PTGIS: variants seen among roughly 807,000 people sequenced by gnomAD.
PTGIS encodes the protein prostacyclin synthase.
In PTGIS, 45 loss-of-function variants were observed where a neutral mutation model predicts 50.3. That is an observed-to-expected ratio of 0.90 (90% CI 0.70 to 1.15). PTGIS has a LOEUF of 1.15. Among genes scored for constraint, PTGIS ranks in the 50% most tolerant of loss-of-function variants. The pLI, the probability that PTGIS is intolerant of heterozygous loss-of-function variation, is 0.00. For missense variants in PTGIS, 668 were observed against 661.3 expected (o/e 1.01, Z -0.11); for synonymous variants, 260 against 267.7 (o/e 0.97, Z 0.28).
chr20:49,555,213 C>T (rs901666449), intron 1 of PTGIS, among the ~76,000 whole-genome samples: 3 of 151,784 alleles, frequency 2.0e-5, no homozygotes, highest in African/African-American at 7.3e-5. Flanking sequence ...GTGGAGGTTG[C>T]AGTGAGCCAA....
chr20:49,567,902 A>T, intron 1 of PTGIS, 141 bp downstream of exon 1: 1 of 750,276 alleles, frequency 1.3e-6, no homozygotes, highest in South Asian at 3.7e-5. Context: ...CGGGACTCCC[A>T]CCTCCGAGGG....
chr20:49,513,331 C>G lies in PTGIS; in HGVS notation c.1025-70G>C, dbSNP rs1981378641. On this transcript the variant is annotated intron_variant, in intron 7 of 9. Coordinates refer to ENST00000244043, the MANE Select transcript of PTGIS (RefSeq NM_000961.4). ...ACCTGCTCATATGCCAACCCCAGCT[C>G]TTATTTTACAGAGGAAGATGAAGAG... The G allele has an allele frequency of 3.3e-6, 5 of 1,526,062 alleles. No individual in the cohort carries two copies. The Admixed American group carries it at 9.6e-5, about 29-fold the overall frequency. 94.5% of individuals were successfully genotyped at this position (1,526,062 alleles called of 1,614,324 possible).
rs370175681 is a variant in PTGIS, at chr20:49,530,079, G to C, written c.674-5840C>G. Among the ~76,000 whole-genome samples, 12 of 151,610 alleles carry C rather than the reference G, an allele frequency of 7.9e-5. No individual in the cohort carries two copies. In the East Asian group the frequency reaches 2.3e-3, roughly 29 times the overall value. On this transcript the variant is annotated intron_variant, in intron 5 of 9. Coordinates refer to ENST00000244043, the MANE Select transcript of PTGIS (RefSeq NM_000961.4). ...TGAGGCAGGAGAATCGCTTGAATCTGGGGGGCGGAGGTTGTGGTGAGCCAA... is the reference window on the plus strand; with the variant it reads ...TGAGGCAGGAGAATCGCTTGAATCTCGGGGGCGGAGGTTGTGGTGAGCCAA...
chr20:49,516,579 C>G (rs1981484050), intron 6 of PTGIS, among the ~76,000 whole-genome samples: 1 of 152,180 alleles, frequency 6.6e-6, no homozygotes, highest in African/African-American at 2.4e-5. Context: ...ATTAAAACAG[C>G]TGCATGATCT....
At chr20:49,560,976 AAGG>A (rs1982757862) in intron 1 of PTGIS, among the ~76,000 whole-genome samples, 2 of 152,200 alleles carry the variant, frequency 1.3e-5, no homozygotes, top group South Asian at 4.2e-4. Flanking sequence ...AAGAGGAAGG[AAGG>A]AGATGTGTCA....
chr20:49,565,234 C>T (rs1982868409), intron 1 of PTGIS, among the ~76,000 whole-genome samples: 1 of 152,010 alleles, frequency 6.6e-6, no homozygotes, highest in African/African-American at 2.4e-5. Context: ...GCCCTCCCGG[C>T]CATTGTCCTT....
At chr20:49,512,606 ACTT>A (rs1981354773) in intron 8 of PTGIS, among the ~76,000 whole-genome samples, 2 of 152,236 alleles carry the variant, frequency 1.3e-5, no homozygotes, top group Non-Finnish European at 2.9e-5. Flanking sequence ...GTGAAAGTTT[ACTT>A]CTTCTCAAAG....
intron 6 of PTGIS, among the ~76,000 whole-genome samples, chr20:49,517,636 T>C (rs962782669): frequency 1.3e-5 from 2 of 152,204 alleles, no homozygotes; most frequent in South Asian, 2.1e-4. Context: ...GCCACCCCTG[T>C]TCTAGCTTTC....
In PTGIS at chr20:49,508,868, C is replaced by T. The variant is rs530826352; in HGVS notation, c.1359-804G>A. ...GAGGCAGCCCTACGGGGGATGTCAACGGTTGCTGCCTCCCTGCCTCATCTT... is the reference window on the plus strand; with the variant it reads ...GAGGCAGCCCTACGGGGGATGTCAATGGTTGCTGCCTCCCTGCCTCATCTT... On this transcript the variant is annotated intron_variant, in intron 9 of 9. Coordinates refer to ENST00000244043, the MANE Select transcript of PTGIS (RefSeq NM_000961.4). Among the ~76,000 whole-genome samples the T allele has an allele frequency of 5.8e-4, 88 of 152,300 alleles. 2 individuals carry two copies. In the South Asian group the frequency reaches 9.9e-3, roughly 17 times the overall value.
At chr20:49,548,339 C>G (rs1304469845) in intron 2 of PTGIS, among the ~76,000 whole-genome samples, 3 of 152,228 alleles carry the variant, frequency 2.0e-5, no homozygotes, top group Non-Finnish European at 4.4e-5. Context: ...CCACCTCACT[C>G]TTAAGCACCT....
At chr20:49,520,264 C>A (rs1981613708) in intron 6 of PTGIS, among the ~76,000 whole-genome samples, 3 of 152,194 alleles carry the variant, frequency 2.0e-5, no homozygotes, top group African/African-American at 7.2e-5. Flanking sequence ...TCAGATGTCA[C>A]CTTTCAGTGA....
At chr20:49,517,326 C>A (rs969300003) in intron 6 of PTGIS, among the ~76,000 whole-genome samples, 17 of 152,210 alleles carry the variant, frequency 1.1e-4, no homozygotes. Context: ...GGGGCCACCG[C>A]TCATTAATTA....
At position 49,547,956 on chromosome 20, in the gene PTGIS, A is replaced by G; in HGVS notation, c.262T>C (p.Trp88Arg). The change falls in exon 3 of 10, where the codon TGG becomes CGG. Residue 88 changes from tryptophan (W) to arginine (R), a missense_variant. Coordinates refer to ENST00000244043, the MANE Select transcript of PTGIS (RefSeq NM_000961.4). ...AAGTCGAGCCTGGTGCGAGGCTCCC[A>G]CACCACCGCGTCGTAGGAGTGTGGG... ...LDPHSYDAVV[W>R]EPRTRLDFHA... 6.2e-7 allele frequency: 1 copy of G among 1,614,136 alleles called. No individual in the cohort carries two copies. The highest frequency in any genetic ancestry group is 8.5e-7 in the Non-Finnish European group (1 of 1,180,008).
chr20:49,529,098 A>G (rs969642270), intron 5 of PTGIS, among the ~76,000 whole-genome samples: 9 of 152,234 alleles, frequency 5.9e-5, no homozygotes, highest in Non-Finnish European at 1.0e-4. Context: ...TAGCATATCC[A>G]TCACCTTACA....
At chr20:49,520,901 A>G (rs1179294651) in intron 6 of PTGIS, among the ~76,000 whole-genome samples, 1 of 151,978 alleles carries the variant, frequency 6.6e-6, no homozygotes, top group Non-Finnish European at 1.5e-5. Flanking sequence ...CTGGTCTTGA[A>G]CTCTAGGACT....
intron 5 of PTGIS, among the ~76,000 whole-genome samples, chr20:49,525,821 G>C (rs1166760511): frequency 6.6e-6 from 1 of 152,020 alleles, no homozygotes; most frequent in Non-Finnish European, 1.5e-5. Context: ...CACAAGCCGT[G>C]TTTCAGGAAG....
At chr20:49,522,461 C>G (rs1981675192) in intron 6 of PTGIS, among the ~76,000 whole-genome samples, 1 of 151,916 alleles carries the variant, frequency 6.6e-6, no homozygotes, top group Non-Finnish European at 1.5e-5. Context: ...GTAATCGACA[C>G]AACACAGAAT....
chr20:49,518,065 G>C (rs1981537357), intron 6 of PTGIS, among the ~76,000 whole-genome samples: 2 of 152,252 alleles, frequency 1.3e-5, no homozygotes, highest in African/African-American at 4.8e-5. Context: ...AGAGCTACTG[G>C]AGGCCATTGT....
In PTGIS at chr20:49,547,933, G is replaced by A. The variant is rs1319703024; in HGVS notation, c.285C>T (p.Asp95=). Residue 95 remains aspartate, a synonymous_variant, in exon 3 of 10, where the codon GAC becomes GAT. Transcript: ENST00000244043. ...AVVWEPRTRL[D]FHAYAIFLME... ...TGAGGAAGATGGCATAGGCATGGAA[G>A]TCGAGCCTGGTGCGAGGCTCCCACA... 1 of 1,614,146 alleles carries A rather than the reference G, an allele frequency of 6.2e-7. No individual in the cohort carries two copies. Among genetic ancestry groups the A allele is most frequent in the Non-Finnish European group, 8.5e-7 (1 of 1,179,988 alleles).
Sources: allele counts gnomAD v4.1 joint callset (sites outside exome capture counted in the v4.1 genomes callset), GRCh38; gene constraint gnomAD v4.1.1; transcripts MANE v1.5; gene names NCBI Gene and HGNC (gene_info 2026-07-23, HGNC 2026-07-21).